XRCC2: variants seen among roughly 807,000 people sequenced by gnomAD.
The protein encoded by XRCC2 is DNA repair protein XRCC2.
XRCC2 carries 24 observed loss-of-function variants against 27.3 expected under a neutral mutation model. The observed-to-expected ratio is 0.88, with a 90% CI of 0.64 to 1.24. The LOEUF is 1.24. Among genes scored for constraint, XRCC2 ranks in the 50% most tolerant of loss-of-function variants. The pLI is 0.00. For synonymous variants in XRCC2, 106 were observed against 115.4 expected (o/e 0.92, Z 0.52); for missense variants, 321 against 325.8 (o/e 0.99, Z 0.11).
At chr7:152,657,099 G>A (rs530779473) in intron 2 of XRCC2, among the ~76,000 whole-genome samples, 1 of 151,596 alleles carries the variant, frequency 6.6e-6, no homozygotes, top group Admixed American at 6.6e-5. Context: ...AGCCAGGTGT[G>A]GTAGCACACA....
At position 152,672,505 on chromosome 7, in the gene XRCC2, G is replaced by C. The variant is rs575475211; in HGVS notation, c.39+3536C>G. Among the ~76,000 whole-genome samples, 412 of 152,292 alleles carry C rather than the reference G, an allele frequency of 2.7e-3. 2 individuals carry two copies. Among genetic ancestry groups the C allele is most frequent in the African/African-American group, 9.3e-3 (388 of 41,562 alleles). On this transcript the variant is annotated intron_variant, in intron 1 of 2. Coordinates refer to ENST00000359321, the MANE Select transcript of XRCC2 (RefSeq NM_005431.2). Reference sequence around the variant, plus strand: ...GAGCTGTAAGGGAACTGAGAAATCAGTCTACCACCTTCATTTCACAAAAGT... The same window carrying C: ...GAGCTGTAAGGGAACTGAGAAATCACTCTACCACCTTCATTTCACAAAAGT...
rs1207116631 is a variant in XRCC2, at chr7:152,660,785, T to C, written c.40-3A>G. 1.9e-6 allele frequency: 3 copies of C among 1,605,048 alleles called. No individual in the cohort carries two copies. The highest frequency in any genetic ancestry group is 2.6e-6 in the Non-Finnish European group (3 of 1,176,196). ...CTACCTTCAAGTCGGGCAAGGAGCT[T>C]ATAAAAGAAGAGAGAAGGAAAACTC... On this transcript the variant is annotated splice_region_variant and splice_polypyrimidine_tract_variant and intron_variant, in intron 1 of 2. Transcript: ENST00000359321.
intron 1 of XRCC2, among the ~76,000 whole-genome samples, chr7:152,666,398 G>A (rs1385841019): frequency 6.6e-6 from 1 of 151,982 alleles, no homozygotes; most frequent in East Asian, 1.9e-4. Flanking sequence ...TTTTTGCAGA[G>A]ACAGGGTCTC....
At position 152,648,483 on chromosome 7, in the gene XRCC2, G is replaced by A; in HGVS notation, c.*159C>T. ...CGCCTGTAATCCCTGCACTCTAGGA[G>A]GCACACATAGGAGGATCCCTTGAGG... On this transcript the variant is annotated 3_prime_UTR_variant, in exon 3 of 3. Transcript: ENST00000359321. 1 of 699,804 alleles carries A rather than the reference G, an allele frequency of 1.4e-6. No individual in the cohort carries two copies. The highest frequency in any genetic ancestry group is 2.8e-5 in the East Asian group (1 of 35,338). The allele number at this position is 699,804 out of a possible 1,614,324, so 43.3% of individuals were successfully genotyped here. A position where few individuals can be genotyped will look rare whatever the true frequency, so the allele number is the denominator to read the frequency against.
intron 1 of XRCC2, among the ~76,000 whole-genome samples, chr7:152,670,998 T>C (rs1298866516): frequency 1.3e-5 from 2 of 152,168 alleles, no homozygotes; most frequent in Non-Finnish European, 2.9e-5. Flanking sequence ...GCAGATCACC[T>C]GAGGTCAGGA....
At chr7:152,650,908 A>ACG (rs1275631526) in intron 2 of XRCC2, among the ~76,000 whole-genome samples, 3 of 152,088 alleles carry the variant, frequency 2.0e-5, no homozygotes, top group African/African-American at 7.2e-5. Flanking sequence ...ACAAAAACAC[A>ACG]AAAAAATGCA....
chr7:152,662,645 T>C (rs926773879), intron 1 of XRCC2, among the ~76,000 whole-genome samples: 1 of 131,190 alleles, frequency 7.6e-6, no homozygotes, highest in Admixed American at 8.7e-5. Context: ...GGATCTCGGC[T>C]CACTGCAAGC....
In XRCC2 at chr7:152,648,601, G is replaced by C; in HGVS notation, c.*41C>G. On this transcript the variant is annotated 3_prime_UTR_variant, in exon 3 of 3. Coordinates refer to ENST00000359321, the MANE Select transcript of XRCC2 (RefSeq NM_005431.2). ...ACTCTGTCTTAAGAAAAATTTTAAG[G>C]CTTGCGTAGTACCCTGCAAAAGACT... 6.6e-7 allele frequency: 1 copy of C among 1,524,436 alleles called. No homozygotes were observed. 94.4% of individuals were successfully genotyped at this position (1,524,436 alleles called of 1,614,324 possible).
chr7:152,662,738 A>T (rs1170222800), intron 1 of XRCC2, among the ~76,000 whole-genome samples: 3 of 150,676 alleles, frequency 2.0e-5, no homozygotes, highest in African/African-American at 7.3e-5. Flanking sequence ...ACGCCCGGCT[A>T]ATTTTTTTGT....
chr7:152,658,162 T>G (rs1009095126), intron 2 of XRCC2, among the ~76,000 whole-genome samples: 2 of 151,478 alleles, frequency 1.3e-5, no homozygotes, highest in African/African-American at 4.8e-5. Context: ...TTTTTTTTTT[T>G]GAGGCGGAGT....
At chr7:152,666,792 A>AT (rs1209168064) in intron 1 of XRCC2, among the ~76,000 whole-genome samples, 1 of 151,094 alleles carries the variant, frequency 6.6e-6, no homozygotes, top group Admixed American at 6.6e-5. Context: ...TAATTTTTGT[A>AT]TTTTTAGTAG....
At chr7:152,669,438 T>G (rs1480160921) in intron 1 of XRCC2, among the ~76,000 whole-genome samples, 1 of 152,134 alleles carries the variant, frequency 6.6e-6, no homozygotes, top group African/African-American at 2.4e-5. Flanking sequence ...TTACAGAGTC[T>G]CACTCTGTCG....
intron 1 of XRCC2, among the ~76,000 whole-genome samples, chr7:152,662,068 G>C (rs1325171860): frequency 6.6e-6 from 1 of 152,078 alleles, no homozygotes; most frequent in Non-Finnish European, 1.5e-5. Context: ...GGGCTCAAGT[G>C]ATTCTCCTGC....
chr7:152,664,066 T>C (rs1356013700), intron 1 of XRCC2: 1 of 152,276 alleles, frequency 6.6e-6, no homozygotes, highest in Non-Finnish European at 1.5e-5. Context: ...AATATTCTAT[T>C]GTCACACATT....
At chr7:152,674,887 A>G (rs1425494942) in intron 1 of XRCC2, among the ~76,000 whole-genome samples, 1 of 150,840 alleles carries the variant, frequency 6.6e-6, no homozygotes, top group African/African-American at 2.4e-5. Context: ...GGCTAAATCC[A>G]AAAAACAAAG....
rs752503425 is a variant in XRCC2 at position 152,648,732 on chromosome 7, G to C, written c.753C>G (p.Asn251Lys). The change falls in exon 3 of 3, where the codon AAC becomes AAG. Residue 251 changes from asparagine to lysine, a missense_variant. Transcript: ENST00000359321. ...AACAACGTGAAACTAATGAAAATTG[G>C]TTGCTGCTTTGAGAATCATCTTGTT... ...FSKQDDSQSS[N>K]QFSLVSRCLK... 6 of 1,613,746 alleles carry C rather than the reference G, an allele frequency of 3.7e-6. No homozygotes were observed. Among genetic ancestry groups the C allele is most frequent in the Admixed American group, 3.3e-5 (2 of 59,920 alleles).
chr7:152,661,686 A>G (rs902235150), intron 1 of XRCC2, among the ~76,000 whole-genome samples: 1 of 152,332 alleles, frequency 6.6e-6, no homozygotes, highest in South Asian at 2.1e-4. Context: ...GACCCAGGGA[A>G]GCCCTACAAG....
At chr7:152,662,773 C>A (rs1309827282) in intron 1 of XRCC2, among the ~76,000 whole-genome samples, 2 of 151,084 alleles carry the variant, frequency 1.3e-5, no homozygotes, top group Admixed American at 1.3e-4. Flanking sequence ...CGGGGTTTCA[C>A]CATTTTAGCC....
At chr7:152,670,326 A>G (rs2098037656) in intron 1 of XRCC2, among the ~76,000 whole-genome samples, 1 of 152,206 alleles carries the variant, frequency 6.6e-6, no homozygotes, top group Non-Finnish European at 1.5e-5. Flanking sequence ...TTTGTTACCA[A>G]TTCCAAAATG....
Sources: allele counts gnomAD v4.1 joint callset (sites outside exome capture counted in the v4.1 genomes callset), GRCh38; gene constraint gnomAD v4.1.1; transcripts MANE v1.5; gene names NCBI Gene and HGNC (gene_info 2026-07-23, HGNC 2026-07-21).